Variants in ATP2B2 observed in about 807,000 individuals in gnomAD.
ATP2B2 encodes plasma membrane calcium-transporting ATPase 2.
Under a neutral mutation model 120.0 loss-of-function variants are expected in ATP2B2, and 15 were observed. The observed-to-expected ratio is 0.12, with a 90% CI of 0.08 to 0.19. The LOEUF (loss-of-function observed/expected upper bound fraction) is 0.19, where lower values mean the gene tolerates loss of function less well. ATP2B2 is among the 10% of genes least tolerant of loss of function. The pLI is 1.00. For missense variants in ATP2B2, 1,045 were observed against 1,719.8 expected (o/e 0.61, Z 6.94); for synonymous variants, 694 against 700.3 (o/e 0.99, Z 0.14).
intron 2 of ATP2B2, among the ~76,000 whole-genome samples, chr3:10,442,050 C>T (rs1398159462): frequency 2.0e-5 from 3 of 152,260 alleles, no homozygotes; most frequent in East Asian, 1.9e-4. Context: ...CCTTCCTCTC[C>T]AAGCCTTTGT....
intron 2 of ATP2B2, among the ~76,000 whole-genome samples, chr3:10,581,452 G>A (rs758126799): frequency 3.3e-5 from 5 of 152,162 alleles, no homozygotes; most frequent in Non-Finnish European, 1.5e-5. Context: ...GGCAAGGCAG[G>A]GGCACGAGCC....
intron 3 of ATP2B2, among the ~76,000 whole-genome samples, chr3:10,403,281 G>A (rs2062291495): frequency 6.6e-6 from 1 of 152,196 alleles, no homozygotes; most frequent in Non-Finnish European, 1.5e-5. Flanking sequence ...CCACAGTGAG[G>A]ACACTGAGGC....
In ATP2B2 at chr3:10,624,342, C is replaced by T. The variant is rs73811965; in HGVS notation, c.-459-4381G>A. On this transcript the variant is annotated intron_variant, in intron 1 of 21. Coordinates refer to the ATP2B2 transcript ENST00000646379. ...AAAATGTCTTTCCTTTATTTCTGGC[C>T]GAGATATGAGGCCCCTCTGCCTCTT... Among the ~76,000 whole-genome samples, 575 of 152,190 alleles carry T rather than the reference C, an allele frequency of 3.8e-3. 3 individuals carry two copies. Among genetic ancestry groups the T allele is most frequent in the African/African-American group, 0.013 (543 of 41,520 alleles).
intron 2 of ATP2B2, among the ~76,000 whole-genome samples, chr3:10,416,519 T>C (rs1326053859): frequency 2.0e-5 from 3 of 152,242 alleles, no homozygotes; most frequent in Admixed American, 2.0e-4. Context: ...TATAGAAATC[T>C]TGACATCTAG....
rs551993990 is a variant in ATP2B2, at chr3:10,692,667, C to T, written c.-460+15248G>A. Among the ~76,000 whole-genome samples, 98 of 152,292 alleles carry T rather than the reference C, an allele frequency of 6.4e-4. 1 individual carries two copies. The highest frequency in any genetic ancestry group is 2.2e-3 in the African/African-American group (90 of 41,550). ...AACCTCCAGGATGTGGGTTCCCGGCCTCCCCAGGGCAACACTGGGTAGACC... is the reference window on the plus strand; with the variant it reads ...AACCTCCAGGATGTGGGTTCCCGGCTTCCCCAGGGCAACACTGGGTAGACC... On this transcript the variant is annotated intron_variant, in intron 1 of 21. Coordinates refer to the ATP2B2 transcript ENST00000646379.
rs145379273 is a variant in ATP2B2, at chr3:10,483,060, G to A, written c.-320+22405C>T. ...ACGTGACACAGCTCATAGGGGCAGG[G>A]TTAGGATTCCCAGAGGTGGATTCAG... On this transcript the variant is annotated intron_variant, in intron 1 of 22. Coordinates refer to ENST00000360273, the MANE Select transcript of ATP2B2 (RefSeq NM_001001331.4). Among the ~76,000 whole-genome samples, 1,019 of 152,322 alleles carry A rather than the reference G, an allele frequency of 6.7e-3. 4 individuals carry two copies. Among genetic ancestry groups the A allele is most frequent in the Admixed American group, 0.011 (168 of 15,310 alleles).
At chr3:10,623,052 C>CCCT (rs2069594128) in intron 1 of ATP2B2, among the ~76,000 whole-genome samples, 2 of 109,742 alleles carry the variant, frequency 1.8e-5, no homozygotes, top group Non-Finnish European at 3.8e-5. Context: ...CCTTGGTCAG[C>CCCT]TCTTTTTTTT....
intron 2 of ATP2B2, among the ~76,000 whole-genome samples, chr3:10,427,676 C>T (rs1013586373): frequency 6.6e-6 from 1 of 152,182 alleles, no homozygotes; most frequent in Admixed American, 6.5e-5. Context: ...TGGAGGGAGA[C>T]ACCTAAACAA....
At chr3:10,552,709 TG>T (rs1271837702) in intron 2 of ATP2B2, among the ~76,000 whole-genome samples, 1 of 152,236 alleles carries the variant, frequency 6.6e-6, no homozygotes. Context: ...GAGGCAGAGC[TG>T]GGGTTCCAAC....
At chr3:10,348,043 C>T (rs917727937) in intron 16 of ATP2B2, among the ~76,000 whole-genome samples, 1 of 152,116 alleles carries the variant, frequency 6.6e-6, no homozygotes, top group Admixed American at 6.5e-5. Flanking sequence ...GGTTCTCAGC[C>T]TGCACCATCA....
At position 10,449,650 on chromosome 3, in the gene ATP2B2, C is replaced by T; in HGVS notation, c.-107G>A. On this transcript the variant is annotated 5_prime_UTR_variant, in exon 2 of 23. Coordinates refer to ENST00000360273, the MANE Select transcript of ATP2B2 (RefSeq NM_001001331.4). ...TCCTCAGCACACCCTCACTGGTCAG[C>T]TGTGGCACCAGGCGGCCGACTCCGG... 1 of 1,440,222 alleles carries T rather than the reference C, an allele frequency of 6.9e-7. No homozygotes were observed. The highest frequency in any genetic ancestry group is 9.7e-7 in the Non-Finnish European group (1 of 1,030,238). The allele number at this position is 1,440,222 out of a possible 1,614,324, so 89.2% of individuals were successfully genotyped here.
intron 1 of ATP2B2, among the ~76,000 whole-genome samples, chr3:10,653,740 G>A (rs2070530039): frequency 6.6e-6 from 1 of 152,044 alleles, no homozygotes; most frequent in Non-Finnish European, 1.5e-5. Context: ...TCCCTTTTCA[G>A]AGGGGGAAAC....
intron 2 of ATP2B2, among the ~76,000 whole-genome samples, chr3:10,547,312 T>C (rs2067568891): frequency 6.6e-6 from 1 of 152,168 alleles, no homozygotes. Flanking sequence ...GTTTCCCTGC[T>C]ACAAGGGGTT....
intron 3 of ATP2B2, among the ~76,000 whole-genome samples, chr3:10,517,901 A>G (rs1178470839): frequency 1.3e-5 from 2 of 152,316 alleles, no homozygotes; most frequent in East Asian, 3.9e-4. Flanking sequence ...GGCTGCAGAT[A>G]GGATGACCTC....
chr3:10,674,417 G>T (rs2071194869), intron 1 of ATP2B2, among the ~76,000 whole-genome samples: 1 of 152,190 alleles, frequency 6.6e-6, no homozygotes, highest in South Asian at 2.1e-4. Flanking sequence ...AAATGCTGCA[G>T]TTATTTGATT....
At chr3:10,671,475 G>A (rs1402547324) in intron 1 of ATP2B2, among the ~76,000 whole-genome samples, 2 of 152,116 alleles carry the variant, frequency 1.3e-5, no homozygotes, top group African/African-American at 4.8e-5. Flanking sequence ...TTTCAGCCCC[G>A]AAATCCCACA....
At chr3:10,505,680 G>A (rs2125422825), upstream of ATP2B2, 1 of 148,464 alleles carries the variant, frequency 6.7e-6, no homozygotes, top group South Asian at 2.2e-4. Context: ...TCTCGGGGGA[G>A]GCAGAGGCCG....
At chr3:10,401,384 C>T (rs551743065) in intron 4 of ATP2B2, among the ~76,000 whole-genome samples, 54 of 152,288 alleles carry the variant, frequency 3.5e-4, no homozygotes, top group Admixed American at 3.5e-3. Flanking sequence ...GGTCTCCCAA[C>T]AATTCGTTCT....
intron 2 of ATP2B2, among the ~76,000 whole-genome samples, chr3:10,567,181 A>C (rs1046008385): frequency 2.0e-5 from 3 of 152,196 alleles, no homozygotes; most frequent in African/African-American, 7.2e-5. Flanking sequence ...CAGAGGCTTC[A>C]TTTTAGCCAT....
Sources: allele counts gnomAD v4.1 joint callset (sites outside exome capture counted in the v4.1 genomes callset), GRCh38; gene constraint gnomAD v4.1.1; transcripts MANE v1.5; gene names NCBI Gene and HGNC (gene_info 2026-07-23, HGNC 2026-07-21).